SLC43A1: variants seen among roughly 807,000 people sequenced by gnomAD.
The protein encoded by SLC43A1 is solute carrier family 43 member 1.
Under a neutral mutation model 59.5 loss-of-function variants are expected in SLC43A1, and 31 were observed. The observed-to-expected ratio is 0.52, with a 90% CI of 0.39 to 0.70. The LOEUF (loss-of-function observed/expected upper bound fraction) is 0.70, where lower values mean the gene tolerates loss of function less well. Ranked by LOEUF, SLC43A1 falls within the 30% of genes least tolerant of loss-of-function variation. The probability of loss-of-function intolerance (pLI) is 0.00; values close to 1 mark genes in which losing one functional copy is unlikely to be tolerated. For synonymous variants in SLC43A1, 259 were observed against 290.9 expected, an observed-to-expected ratio of 0.89 and a Z score of 1.12; for missense variants, 598 against 717.8, an observed-to-expected ratio of 0.83 and a Z score of 1.91.
chr11:57,512,303 A>AG (rs1271611776), intron 2 of SLC43A1, among the ~76,000 whole-genome samples: 2 of 152,148 alleles, frequency 1.3e-5, no homozygotes, highest in Non-Finnish European at 2.9e-5. Context: ...AAGTTACACA[A>AG]GGGGTAGGCC....
chr11:57,495,351 G>A (rs1407816296), intron 7 of SLC43A1, among the ~76,000 whole-genome samples: 1 of 151,938 alleles, frequency 6.6e-6, no homozygotes, highest in African/African-American at 2.4e-5. Context: ...TTAGCTGGGT[G>A]TGGTGGCGCG....
Position 57,515,382 on chromosome 11 carries a change from T to C in SLC43A1, c.-14+62A>G. 6.6e-6 allele frequency: 1 copy of C among 152,250 alleles called. No homozygotes were observed. Among genetic ancestry groups the C allele is most frequent in the Non-Finnish European group, 1.5e-5 (1 of 68,036 alleles). 9.4% of individuals were successfully genotyped at this position (152,250 alleles called of 1,614,324 possible). A position where few individuals can be genotyped will look rare whatever the true frequency, so the allele number is the denominator to read the frequency against. On this transcript the variant is annotated intron_variant, in intron 1 of 14. Coordinates refer to ENST00000278426, the MANE Select transcript of SLC43A1 (RefSeq NM_003627.6). The surrounding 1 kb of genome is among the most constrained non-coding windows in gnomAD (Gnocchi z 5.3). The stretch of plus-strand genomic sequence containing the variant: ...GTGTCGGCGGGAGCCGGCCTCGGTG[T>C]CTCTCAGCCGACGCATAGCCGGAGA...
At chr11:57,506,214 C>T (rs1202710574) in intron 2 of SLC43A1, among the ~76,000 whole-genome samples, 5 of 152,238 alleles carry the variant, frequency 3.3e-5, no homozygotes, top group East Asian at 1.9e-4. Context: ...AGCATAGTGG[C>T]GCACACCTGC....
At position 57,487,136 on chromosome 11, in the gene SLC43A1, A is replaced by C. The variant is rs1343500694; in HGVS notation, c.1492T>G (p.Phe498Val). Residue 498 changes from phenylalanine (F) to valine (V), a missense_variant, in exon 14 of 15, where the codon TTC (phenylalanine) becomes GTC (valine). Coordinates refer to ENST00000278426, the MANE Select transcript of SLC43A1 (RefSeq NM_003627.6). ...TTCAGGGGTCCCACCATCGCCATGA[A>C]AAGTGGCTGCTGAAGCAAGGCGAAC... Reference protein sequence around the residue: ...AVFALLQQPLFMAMVGPLKGE... With the variant: ...AVFALLQQPLVMAMVGPLKGE... The C allele has an allele frequency of 3.1e-6, 5 of 1,614,122 alleles. No homozygotes were observed. In the South Asian group the frequency reaches 5.5e-5, roughly 18 times the overall value.
rs1262005947 is a variant in SLC43A1 at position 57,514,799 on chromosome 11, C to A, written c.-14+645G>T. On this transcript the variant is annotated intron_variant, in intron 1 of 14. Transcript: ENST00000278426. This position sits in a 1 kb window ranked among gnomAD's most constrained non-coding sequence, Gnocchi z 5.5. ...CACTCACTCCGCAGGGCTCGGGGCA[C>A]CAGGCTTTGCACCTCGGAACCCGCT... 1.0e-6 allele frequency: 1 copy of A among 985,318 alleles called. No individual in the cohort carries two copies. The highest frequency in any genetic ancestry group is 1.2e-6 in the Non-Finnish European group (1 of 829,958). The allele number at this position is 985,318 out of a possible 1,614,324, so 61.0% of individuals were successfully genotyped here. A position where few individuals can be genotyped will look rare whatever the true frequency, so the allele number is the denominator to read the frequency against.
At chr11:57,501,091 CCT>C in intron 3 of SLC43A1, 48 bp from the exon 4 acceptor site, 1 of 1,607,982 alleles carries the variant, frequency 6.2e-7, no homozygotes, top group Non-Finnish European at 8.5e-7. Flanking sequence ...GAGCACCCCC[CCT>C]CCCCTCCCCC....
intron 2 of SLC43A1, among the ~76,000 whole-genome samples, chr11:57,510,158 C>CA (rs900602652): frequency 1.7e-4 from 26 of 151,464 alleles, no homozygotes; most frequent in Admixed American, 1.4e-3. Flanking sequence ...ATGGCTATAA[C>CA]AAAAAAAAGA....
intron 13 of SLC43A1, among the ~76,000 whole-genome samples, 200 bp from the exon 14 acceptor site, chr11:57,487,418 A>G (rs1014739200): frequency 6.6e-6 from 1 of 151,804 alleles, no homozygotes; most frequent in African/African-American, 2.4e-5. Flanking sequence ...GGGTTCTCAC[A>G]CCTCCTGTAT....
intron 5 of SLC43A1, among the ~76,000 whole-genome samples, chr11:57,498,051 C>T (rs550961839): frequency 2.0e-4 from 31 of 152,300 alleles, no homozygotes; most frequent in South Asian, 1.0e-3. Flanking sequence ...TCCCAGACAC[C>T]CCTCAGAGAG....
rs917957499 is a variant in SLC43A1 at position 57,514,317 on chromosome 11, C to A, written c.-13-193G>T. On this transcript the variant is annotated intron_variant, in intron 1 of 14. Coordinates refer to ENST00000278426, the MANE Select transcript of SLC43A1 (RefSeq NM_003627.6). The surrounding 1 kb of genome is among the most constrained non-coding windows in gnomAD (Gnocchi z 5.5). ...GCACTAGCAGTGCCAGAGGTGCACG[C>A]GGCACGGGGCTCCCGCTGAGCCACT... 1.0e-5 allele frequency: 6 copies of A among 592,182 alleles called. No individual in the cohort carries two copies. In the African/African-American group the frequency reaches 1.1e-4, roughly 11 times the overall value. 36.7% of individuals were successfully genotyped at this position (592,182 alleles called of 1,614,324 possible).
chr11:57,500,943 C>T (rs1178234135), intron 4 of SLC43A1, 45 bp downstream of exon 4: 1 of 1,598,344 alleles, frequency 6.3e-7, no homozygotes, highest in East Asian at 2.3e-5. Context: ...GCCTTCATCC[C>T]ACCTATTCTT....
chr11:57,502,111 T>C (rs1365438885), intron 2 of SLC43A1, among the ~76,000 whole-genome samples: 2 of 151,990 alleles, frequency 1.3e-5, no homozygotes, highest in Non-Finnish European at 2.9e-5. Flanking sequence ...CAACTTGGAG[T>C]TGTGACAAGT....
intron 7 of SLC43A1, among the ~76,000 whole-genome samples, chr11:57,494,939 C>G (rs1944035853): frequency 1.3e-5 from 2 of 151,662 alleles, no homozygotes; most frequent in African/African-American, 4.8e-5. Flanking sequence ...ACCTCAGCCT[C>G]TAGGGTTCAA....
At chr11:57,508,764 T>C (rs185646623) in intron 2 of SLC43A1, among the ~76,000 whole-genome samples, 15 of 152,014 alleles carry the variant, frequency 9.9e-5, no homozygotes, top group African/African-American at 3.6e-4. Context: ...AACTCCTGCC[T>C]AGCTGACAGA....
intron 13 of SLC43A1, 55 bp downstream of exon 13, chr11:57,488,861 G>T: frequency 6.8e-7 from 1 of 1,474,120 alleles, no homozygotes; most frequent in East Asian, 2.3e-5. Context: ...CTTCCCTGGG[G>T]TTCTCTGATC....
In SLC43A1 at chr11:57,514,404, T is replaced by C. The variant is rs1051865907; in HGVS notation, c.-13-280A>G. 4.8e-6 allele frequency: 2 copies of C among 414,036 alleles called. No homozygotes were observed. The highest frequency in any genetic ancestry group is 8.7e-6 in the Non-Finnish European group (2 of 228,894). The allele number at this position is 414,036 out of a possible 1,614,324, so 25.6% of individuals were successfully genotyped here. A position where few individuals can be genotyped will look rare whatever the true frequency, so the allele number is the denominator to read the frequency against. Reference sequence around the variant, plus strand: ...CTTCCTAGCAGGCTGCCGGGTTCTCTCACCCAGGCCAGGGCGCTCAGGGCC... The same window carrying C: ...CTTCCTAGCAGGCTGCCGGGTTCTCCCACCCAGGCCAGGGCGCTCAGGGCC... On this transcript the variant is annotated intron_variant, in intron 1 of 14. Transcript: ENST00000278426. This position sits in a 1 kb window ranked among gnomAD's most constrained non-coding sequence, Gnocchi z 5.5.
At chr11:57,489,161 A>T in intron 12 of SLC43A1, 90 bp downstream of exon 12, 1 of 1,519,790 alleles carries the variant, frequency 6.6e-7, no homozygotes, top group Non-Finnish European at 9.1e-7. Context: ...GAAGACCAGA[A>T]CTGCGCTTCC....
chr11:57,513,943 C>CCCCCCCA lies in SLC43A1; in HGVS notation c.154+14_154+15insTGGGGGG. On this transcript the variant is annotated intron_variant, in intron 2 of 14. Coordinates refer to ENST00000278426, the MANE Select transcript of SLC43A1 (RefSeq NM_003627.6). ...ATCCCTCCCCCCAGCCCACCCAGCCCATTTTCAGGCATACCTGGGCACGTG... is the reference window on the plus strand; with the variant it reads ...ATCCCTCCCCCCAGCCCACCCAGCCCCCCCCCAATTTTCAGGCATACCTGGGCACGTG... The CCCCCCCA allele has an allele frequency of 9.6e-6, 14 of 1,454,620 alleles. No individual in the cohort carries two copies. Among genetic ancestry groups the CCCCCCCA allele is most frequent in the Non-Finnish European group, 1.2e-5 (13 of 1,051,284 alleles). The allele number at this position is 1,454,620 out of a possible 1,614,324, so 90.1% of individuals were successfully genotyped here.
chr11:57,514,963 C>T lies in SLC43A1; in HGVS notation c.-14+481G>A, dbSNP rs890809527. The T allele has an allele frequency of 1.3e-5, 13 of 974,466 alleles. No individual in the cohort carries two copies. The highest frequency in any genetic ancestry group is 4.7e-5 in the South Asian group (1 of 21,070). The allele number at this position is 974,466 out of a possible 1,614,324, so 60.4% of individuals were successfully genotyped here. A position where few individuals can be genotyped will look rare whatever the true frequency, so the allele number is the denominator to read the frequency against. ...GGGAGGGAAAGAGCCCCAGCTCCCCCCGCCGCGGCCGCTGCAGCCTCGGCG... is the reference window on the plus strand; with the variant it reads ...GGGAGGGAAAGAGCCCCAGCTCCCCTCGCCGCGGCCGCTGCAGCCTCGGCG... On this transcript the variant is annotated intron_variant, in intron 1 of 14. Transcript: ENST00000278426. The surrounding 1 kb of genome is among the most constrained non-coding windows in gnomAD (Gnocchi z 5.5).
Sources: gnomAD v4.1 joint callset for allele counts (sites outside exome capture counted in the v4.1 genomes callset) on GRCh38, gnomAD v4.1.1 for gene constraint, Gnocchi (gnomAD v3.1) non-coding constraint, MANE v1.5 for transcripts, NCBI Gene and HGNC (gene_info 2026-07-23, HGNC 2026-07-21) for gene names.